AGO3: variants seen among roughly 807,000 people sequenced by gnomAD.
AGO3 encodes argonaute RISC catalytic component 3.
Under a neutral mutation model 105.5 loss-of-function variants are expected in AGO3, and 16 were observed. The observed-to-expected ratio is 0.15, with a 90% confidence interval of 0.10 to 0.23. The LOEUF (loss-of-function observed/expected upper bound fraction) is 0.23, where lower values mean the gene tolerates loss of function less well. Ranked by LOEUF, AGO3 falls within the 10% of genes least tolerant of loss-of-function variation. The pLI, the probability that AGO3 is intolerant of heterozygous loss-of-function variation, is 1.00. For synonymous variants in AGO3, 340 were observed against 367.3 expected (o/e 0.93, Z 0.85); for missense variants, 534 against 1,088.0 (o/e 0.49, Z 7.16).
At chr1:35,982,730 T>C in intron 5 of AGO3, 1 of 705,202 alleles carries the variant, frequency 1.4e-6, no homozygotes, top group Admixed American at 2.1e-5. Flanking sequence ...ATGGTGATGG[T>C]CTAATGTGGG....
chr1:35,986,716 C>A (rs909006268), intron 5 of AGO3, among the ~76,000 whole-genome samples: 2 of 151,884 alleles, frequency 1.3e-5, no homozygotes, highest in African/African-American at 4.8e-5. Flanking sequence ...AAAAAATGGG[C>A]TGGGCCTAGT....
chr1:36,003,709 A>AAAAAAAAAAATATATATATAT (rs1295618675), intron 5 of AGO3, among the ~76,000 whole-genome samples: 1 of 99,436 alleles, frequency 1.0e-5, no homozygotes, highest in East Asian at 2.9e-4. Context: ...AAAAAAAAAA[A>AAAAAAAAAAATATATATATAT]ATATATATAT....
chr1:35,987,968 T>C (rs1242731129), intron 5 of AGO3, among the ~76,000 whole-genome samples: 1 of 151,814 alleles, frequency 6.6e-6, no homozygotes, highest in Non-Finnish European at 1.5e-5. Context: ...CTCAGGAGGC[T>C]AAGGCAGGAG....
intron 11 of AGO3, among the ~76,000 whole-genome samples, chr1:36,017,393 T>C (rs1422530264): frequency 6.6e-6 from 1 of 152,196 alleles, no homozygotes; most frequent in Non-Finnish European, 1.5e-5. Context: ...TCCTCCATGT[T>C]CAATAAGAAG....
chr1:36,003,335 A>T (rs558775756), intron 5 of AGO3, among the ~76,000 whole-genome samples: 2 of 152,272 alleles, frequency 1.3e-5, no homozygotes, highest in Non-Finnish European at 2.9e-5. Flanking sequence ...TGGTTAAGAA[A>T]TCATAGTGGT....
chr1:35,982,493 A>G (rs1647070952), intron 5 of AGO3: 2 of 596,020 alleles, frequency 3.4e-6, no homozygotes, highest in Non-Finnish European at 6.1e-6. Context: ...ATTAAATGCA[A>G]AGAGAATAGA....
intron 5 of AGO3, among the ~76,000 whole-genome samples, chr1:35,985,594 GTT>G (rs1167308337): frequency 6.6e-6 from 1 of 152,050 alleles, no homozygotes; most frequent in Non-Finnish European, 1.5e-5. Context: ...TGTTTACACA[GTT>G]TAACTTTAAA....
chr1:36,049,149 T>G (rs920418050), intron 17 of AGO3, among the ~76,000 whole-genome samples: 2 of 152,126 alleles, frequency 1.3e-5, no homozygotes, highest in Non-Finnish European at 2.9e-5. Context: ...AGCTAAACAT[T>G]GAGCACACAT....
chr1:35,957,697 G>A (rs569404962), intron 2 of AGO3, among the ~76,000 whole-genome samples: 1 of 152,062 alleles, frequency 6.6e-6, no homozygotes. Flanking sequence ...CTGCACTCCA[G>A]CCTGGGCAAC....
At chr1:35,987,038 G>A (rs1269664618) in intron 5 of AGO3, among the ~76,000 whole-genome samples, 2 of 145,920 alleles carry the variant, frequency 1.4e-5, no homozygotes, top group Non-Finnish European at 3.0e-5. Context: ...TGAGTAAACA[G>A]CAAAAGGGGC....
chr1:35,950,248 T>C (rs2148754242), intron 2 of AGO3, among the ~76,000 whole-genome samples: 1 of 152,226 alleles, frequency 6.6e-6, no homozygotes, highest in African/African-American at 2.4e-5. Flanking sequence ...TATTGTTGCC[T>C]TCTATAAAGT....
At chr1:35,965,980 T>C (rs1368702504) in intron 2 of AGO3, among the ~76,000 whole-genome samples, 2 of 151,930 alleles carry the variant, frequency 1.3e-5, no homozygotes, top group African/African-American at 4.8e-5. Flanking sequence ...CATGCGCCAC[T>C]GTACCCGGCT....
chr1:36,008,718 A>T lies in AGO3; in HGVS notation c.822A>T (p.Gly274=). 1 of 1,614,142 alleles carries T rather than the reference A, an allele frequency of 6.2e-7. No individual in the cohort carries two copies. The highest frequency in any genetic ancestry group is 1.7e-4 in the Middle Eastern group (1 of 6,060). The change falls in exon 7 of 19, where the codon GGA becomes GGT. Residue 274 remains glycine (G), a synonymous_variant. Coordinates refer to ENST00000373191, the MANE Select transcript of AGO3 (RefSeq NM_024852.4). The surrounding 1 kb of genome is among the most constrained non-coding windows in gnomAD (Gnocchi z 5.1). ...TGAAGGTTGAAGTGACTCATTGTGG[A>T]ACAATGAGACGGAAATACCGTGTTT... ...KGLKVEVTHC[G]TMRRKYRVCN...
chr1:36,061,756 G>A lies in AGO3; in HGVS notation c.*6011G>A, dbSNP rs766990158. The A allele has an allele frequency of 3.3e-5, 5 of 152,098 alleles. No individual in the cohort carries two copies. Among genetic ancestry groups the A allele is most frequent in the African/African-American group, 4.8e-5 (2 of 41,406 alleles). The allele number at this position is 152,098 out of a possible 1,614,324, so 9.4% of individuals were successfully genotyped here. Reference sequence around the variant, plus strand: ...TTTTAATCATTTTTTAAAGCAAGGCGGTTCTTAGAAAGTGCCTTTTCAGAA... The same window carrying A: ...TTTTAATCATTTTTTAAAGCAAGGCAGTTCTTAGAAAGTGCCTTTTCAGAA... On this transcript the variant is annotated 3_prime_UTR_variant, in exon 19 of 19. Coordinates refer to ENST00000373191, the MANE Select transcript of AGO3 (RefSeq NM_024852.4).
intron 15 of AGO3, 105 bp downstream of exon 15, chr1:36,040,089 A>G (rs1642183632): frequency 7.7e-7 from 1 of 1,294,726 alleles, no homozygotes; most frequent in Non-Finnish European, 1.1e-6. Context: ...TCCCCAAGTC[A>G]AAACTTGGTG....
In AGO3 at chr1:35,977,872, T is replaced by TA. The variant is rs988612377; in HGVS notation, c.658+4369dup. Among the ~76,000 whole-genome samples, 7 of 151,982 alleles carry TA rather than the reference T, an allele frequency of 4.6e-5. No individual in the cohort carries two copies. In the East Asian group the frequency reaches 1.2e-3, roughly 25 times the overall value. On this transcript the variant is annotated intron_variant, in intron 5 of 18. Coordinates refer to ENST00000373191, the MANE Select transcript of AGO3 (RefSeq NM_024852.4). ...CATCTATTACTTCTTATCAAAAAACTAAAAAAAAGACGGTATGGCATCATA... is the reference window on the plus strand; with the variant it reads ...CATCTATTACTTCTTATCAAAAAACTAAAAAAAAAGACGGTATGGCATCATA...
intron 5 of AGO3, among the ~76,000 whole-genome samples, chr1:35,998,778 A>C (rs1639956011): frequency 6.6e-6 from 1 of 151,850 alleles, no homozygotes; most frequent in Admixed American, 6.6e-5. Context: ...CTTTAGCTTT[A>C]TTTCTTTATT....
intron 2 of AGO3, among the ~76,000 whole-genome samples, chr1:35,961,991 C>T (rs527290186): frequency 4.1e-4 from 62 of 152,110 alleles, no homozygotes; most frequent in African/African-American, 1.4e-3. Context: ...TTATTTTGTT[C>T]ATTGTTGTAG....
Position 36,046,623 on chromosome 1 carries a change from TAAAAAAAAAAAAAAAAA to T in AGO3, c.2274+3091_2274+3107del, listed in dbSNP as rs3073806. On this transcript the variant is annotated intron_variant, in intron 17 of 18. Coordinates refer to ENST00000373191, the MANE Select transcript of AGO3 (RefSeq NM_024852.4). The stretch of plus-strand genomic sequence containing the variant: ...AACAGAGTGAGACTCAGTCTCTATT[TAAAAAAAAAAAAAAAAA>T]AAAAAAAAAAAAAAAGAGGTCATAC... Among the ~76,000 whole-genome samples the T allele has an allele frequency of 5.2e-4, 18 of 34,470 alleles. 1 individual carries two copies. Among genetic ancestry groups the T allele is most frequent in the Admixed American group, 2.7e-3 (5 of 1,872 alleles). 22.6% of individuals were successfully genotyped at this position (34,470 alleles called of 152,430 possible).
Sources: allele counts gnomAD v4.1 joint callset (sites outside exome capture counted in the v4.1 genomes callset), GRCh38; gene constraint gnomAD v4.1.1; non-coding constraint Gnocchi (gnomAD v3.1); transcripts MANE v1.5; gene names NCBI Gene and HGNC (gene_info 2026-07-23, HGNC 2026-07-21).